The following SAMD3 variants were observed in gnomAD, a reference collection of about 807,000 sequenced individuals.
The protein encoded by SAMD3 is sterile alpha motif domain containing 3, also known as sterile alpha motif domain-containing protein 3.
In SAMD3, 63 loss-of-function variants were observed where a neutral mutation model predicts 58.5. The observed-to-expected ratio is 1.08, with a 90% CI of 0.88 to 1.33. The LOEUF is 1.33. Among genes scored for constraint, SAMD3 ranks in the 40% most tolerant of loss-of-function variants. The pLI is 0.00. For synonymous variants in SAMD3, 220 were observed against 210.3 expected (o/e 1.05, Z -0.40); for missense variants, 604 against 608.4 (o/e 0.99, Z 0.08).
At chr6:130,233,460 C>A (rs1796601041) in intron 2 of SAMD3, among the ~76,000 whole-genome samples, 3 of 152,254 alleles carry the variant, frequency 2.0e-5, no homozygotes, top group Non-Finnish European at 1.5e-5. Flanking sequence ...TTCAGATGAA[C>A]AGAAGCTTCA....
At chr6:130,144,149 C>A, downstream of SAMD3, 1 of 205,184 alleles carries the variant, frequency 4.9e-6, no homozygotes, top group East Asian at 1.4e-4. Context: ...GCCCACAGGC[C>A]ATAAATGTGC....
At chr6:130,199,292 C>T (rs1794425660) in intron 5 of SAMD3, among the ~76,000 whole-genome samples, 1 of 152,146 alleles carries the variant, frequency 6.6e-6, no homozygotes, top group Non-Finnish European at 1.5e-5. Context: ...TCATTTAATT[C>T]CTCTCTACAT....
intron 2 of SAMD3, among the ~76,000 whole-genome samples, chr6:130,276,618 T>G (rs943810416): frequency 3.9e-5 from 6 of 152,192 alleles, no homozygotes; most frequent in Non-Finnish European, 2.9e-5. Context: ...AACCTATGTA[T>G]GTATATACAC....
At chr6:130,250,754 T>G (rs1773710847) in intron 2 of SAMD3, among the ~76,000 whole-genome samples, 1 of 152,248 alleles carries the variant, frequency 6.6e-6, no homozygotes, top group Non-Finnish European at 1.5e-5. Context: ...ATTCATATTA[T>G]AGCATGGATA....
intron 2 of SAMD3, among the ~76,000 whole-genome samples, chr6:130,265,271 A>C (rs1353797610): frequency 6.6e-6 from 1 of 152,144 alleles, no homozygotes; most frequent in South Asian, 2.1e-4. Context: ...CCAACCTCCA[A>C]ACCATCCTTA....
At chr6:130,190,334 A>G (rs1793419957) in intron 5 of SAMD3, among the ~76,000 whole-genome samples, 1 of 152,126 alleles carries the variant, frequency 6.6e-6, no homozygotes, top group Non-Finnish European at 1.5e-5. Flanking sequence ...AACCCAGAAA[A>G]TGTAATCCAT....
intron 8 of SAMD3, among the ~76,000 whole-genome samples, chr6:130,170,931 A>C (rs186812407): frequency 1.3e-5 from 2 of 152,230 alleles, no homozygotes; most frequent in Admixed American, 6.5e-5. Context: ...AATACTCTTT[A>C]TTTCTTTCTC....
At chr6:130,149,102 A>G (rs1788900304) in intron 9 of SAMD3, among the ~76,000 whole-genome samples, 1 of 152,202 alleles carries the variant, frequency 6.6e-6, no homozygotes, top group Non-Finnish European at 1.5e-5. Context: ...CCAATACCAC[A>G]GGGCTTTTCC....
intron 2 of SAMD3, among the ~76,000 whole-genome samples, chr6:130,304,633 G>A (rs1583074436): frequency 1.3e-5 from 2 of 152,024 alleles, no homozygotes; most frequent in East Asian, 3.9e-4. Flanking sequence ...TGCTTTAGGA[G>A]AGTTTTGGCT....
intron 1 of SAMD3, among the ~76,000 whole-genome samples, chr6:130,333,311 G>T (rs1230972450): frequency 6.6e-6 from 1 of 152,158 alleles, no homozygotes; most frequent in East Asian, 1.9e-4. Flanking sequence ...AGCAAAGACT[G>T]ATACTCCCAC....
intron 10 of SAMD3, 107 bp downstream of exon 10, chr6:130,145,903 C>A: frequency 6.3e-6 from 3 of 472,848 alleles, no homozygotes; most frequent in African/African-American, 2.0e-5. Flanking sequence ...ATTTTTAAAA[C>A]TCAATAAATG....
chr6:130,339,491 T>C (rs1051706918), intron 1 of SAMD3, among the ~76,000 whole-genome samples: 17 of 152,220 alleles, frequency 1.1e-4, no homozygotes, highest in Non-Finnish European at 2.2e-4. Context: ...GATGGTTTTA[T>C]AAGTGACAGT....
chr6:130,317,298 A>G (rs1776410139), intron 1 of SAMD3, among the ~76,000 whole-genome samples: 1 of 152,228 alleles, frequency 6.6e-6, no homozygotes, highest in African/African-American at 2.4e-5. Flanking sequence ...CCAGTTCATG[A>G]GAACTTTCCA....
chr6:130,354,239 G>A (rs993083897), intron 1 of SAMD3, among the ~76,000 whole-genome samples: 2 of 152,208 alleles, frequency 1.3e-5, no homozygotes, highest in Non-Finnish European at 2.9e-5. Context: ...GTGTAAATTA[G>A]TTCAACCATT....
rs549592579 is a variant in SAMD3, at chr6:130,236,539, G to A, written c.-187-13726C>T. Among the ~76,000 whole-genome samples, 233 of 151,946 alleles carry A rather than the reference G, an allele frequency of 1.5e-3. 1 individual carries two copies. Among genetic ancestry groups the A allele is most frequent in the Non-Finnish European group, 2.0e-3 (137 of 67,916 alleles). The stretch of plus-strand genomic sequence containing the variant: ...GCTGGGATTACAGGCGCCCACCACC[G>A]CACCCGGCTAATTTTTGTGTTTTTA... On this transcript the variant is annotated intron_variant, in intron 2 of 13. Coordinates refer to the SAMD3 transcript ENST00000368134.
intron 8 of SAMD3, among the ~76,000 whole-genome samples, chr6:130,167,738 G>A (rs1031507622): frequency 5.3e-5 from 8 of 152,212 alleles, no homozygotes; most frequent in African/African-American, 1.9e-4. Context: ...AAGAAGCGAT[G>A]GCACAGCTGC....
At chr6:130,254,426 C>T (rs1773857066) in intron 2 of SAMD3, among the ~76,000 whole-genome samples, 1 of 152,014 alleles carries the variant, frequency 6.6e-6, no homozygotes, top group Non-Finnish European at 1.5e-5. Context: ...GAACTCCCGA[C>T]CTCAGGTTAT....
chr6:130,360,657 A>G (rs1777958090), intron 1 of SAMD3, among the ~76,000 whole-genome samples: 1 of 152,218 alleles, frequency 6.6e-6, no homozygotes, highest in Non-Finnish European at 1.5e-5. Flanking sequence ...CATTGATAAC[A>G]TCTTATCAGG....
At chr6:130,144,957 T>C (rs1477342044) in intron 11 of SAMD3, among the ~76,000 whole-genome samples, 153 bp from the exon 12 acceptor site, 1 of 152,196 alleles carries the variant, frequency 6.6e-6, no homozygotes, top group Non-Finnish European at 1.5e-5. Flanking sequence ...CCACCAACTT[T>C]GCTTTTAAAT....
Sources: allele counts gnomAD v4.1 joint callset (sites outside exome capture counted in the v4.1 genomes callset), GRCh38; gene constraint gnomAD v4.1.1; transcripts MANE v1.5; gene names NCBI Gene and HGNC (gene_info 2026-07-23, HGNC 2026-07-21).